The following MAGI1 variants were observed in gnomAD, a reference collection of about 807,000 sequenced individuals.
MAGI1 encodes the protein membrane-associated guanylate kinase, WW and PDZ domain-containing protein 1.
MAGI1 carries 58 observed loss-of-function variants against 139.9 expected under a neutral mutation model. The ratio of observed to expected loss-of-function variants is 0.41; its 90% CI spans 0.34 to 0.52. The LOEUF (loss-of-function observed/expected upper bound fraction) is 0.52, where lower values mean the gene tolerates loss of function less well. Among genes scored for constraint, MAGI1 ranks in the 20% least tolerant of loss-of-function variants. The pLI, the probability that MAGI1 is intolerant of heterozygous loss-of-function variation, is 0.12. For synonymous variants in MAGI1, 812 were observed against 737.9 expected (o/e 1.10, Z -1.63); for missense variants, 1,874 against 1,901.6 (o/e 0.99, Z 0.27).
chr3:65,865,860 G>A (rs1265296298), intron 1 of MAGI1, among the ~76,000 whole-genome samples: 3 of 152,006 alleles, frequency 2.0e-5, no homozygotes, highest in Non-Finnish European at 4.4e-5. Flanking sequence ...GGCTGGTCTC[G>A]AACTCCTGAC....
chr3:65,654,752 T>C (rs2085777355), intron 1 of MAGI1, among the ~76,000 whole-genome samples: 1 of 152,198 alleles, frequency 6.6e-6, no homozygotes, highest in Non-Finnish European at 1.5e-5. Flanking sequence ...GTATGGGTCT[T>C]GGTCAGGGCA....
chr3:65,614,236 G>A (rs1419070281), intron 2 of MAGI1, among the ~76,000 whole-genome samples: 1 of 152,198 alleles, frequency 6.6e-6, no homozygotes, highest in African/African-American at 2.4e-5. Flanking sequence ...GCCCTGAAAG[G>A]TGGCCTGAAG....
rs181968717 is a variant in MAGI1 at position 65,832,861 on chromosome 3, T to C, written c.313+205135A>G. Among the ~76,000 whole-genome samples the C allele has an allele frequency of 3.7e-4, 57 of 152,300 alleles. 1 individual carries two copies. The highest frequency in any genetic ancestry group is 1.1e-3 in the Admixed American group (17 of 15,296). On this transcript the variant is annotated intron_variant, in intron 1 of 22. Coordinates refer to ENST00000402939, the MANE Select transcript of MAGI1 (RefSeq NM_001033057.2). ...ATTTTGTTTTCAAGTCTGGTTATTA[T>C]TACTCAATGTGGGGGAGCTTGAATC... is the stretch of plus-strand genomic sequence containing the variant.
intron 2 of MAGI1, among the ~76,000 whole-genome samples, chr3:65,516,199 G>T (rs1023659917): frequency 6.6e-6 from 1 of 151,376 alleles, no homozygotes; most frequent in Non-Finnish European, 1.5e-5. Flanking sequence ...TCTTTTTTTT[G>T]AGATGGAGTT....
chr3:65,470,464 C>G lies in MAGI1; in HGVS notation c.778G>C (p.Glu260Gln). The stretch of plus-strand genomic sequence containing the variant: ...AATGCTGTTTCTTGGAGAGTGTGCT[C>G]CTCTTGTTCACCAGAATCGGCTGCT... ...SFTADSGEQE[E>Q]HTLQETALPP... The change falls in exon 5 of 23, where the codon GAG becomes CAG. Residue 260 changes from glutamate to glutamine, a missense_variant. Around this residue, in one of 5 missense-constraint regions of MAGI1, gnomAD observed 648 missense variants for 598.1 expected, o/e 1.08. Transcript: ENST00000402939. 6.2e-7 allele frequency: 1 copy of G among 1,612,874 alleles called. No individual in the cohort carries two copies. The highest frequency in any genetic ancestry group is 1.1e-5 in the South Asian group (1 of 90,990).
At chr3:65,543,085 G>C (rs904696892) in intron 2 of MAGI1, among the ~76,000 whole-genome samples, 3 of 151,488 alleles carry the variant, frequency 2.0e-5, no homozygotes, top group African/African-American at 4.8e-5. Context: ...CCATCAAAAA[G>C]TAGGCAAAGG....
intron 3 of MAGI1, among the ~76,000 whole-genome samples, chr3:65,480,534 C>G (rs1000753518): frequency 7.6e-6 from 1 of 131,218 alleles, no homozygotes; most frequent in African/African-American, 2.8e-5. Context: ...GATCCTATCT[C>G]AAAAAAAAAA....
chr3:65,978,160 G>A (rs1236120369), intron 1 of MAGI1, among the ~76,000 whole-genome samples: 3 of 152,146 alleles, frequency 2.0e-5, no homozygotes, highest in African/African-American at 7.2e-5. Context: ...AATTTACTAT[G>A]TGACAGGCTC....
chr3:65,952,454 C>T (rs867000108), intron 1 of MAGI1, among the ~76,000 whole-genome samples: 1 of 152,158 alleles, frequency 6.6e-6, no homozygotes, highest in Non-Finnish European at 1.5e-5. Flanking sequence ...ACCTTAACTA[C>T]GTACCAAAAC....
At chr3:65,792,602 C>G (rs886629371) in intron 1 of MAGI1, among the ~76,000 whole-genome samples, 1 of 151,748 alleles carries the variant, frequency 6.6e-6, no homozygotes, top group South Asian at 2.1e-4. Context: ...ATAAGGATTC[C>G]TTGAACATAA....
chr3:65,391,373 G>A lies in MAGI1; in HGVS notation c.2200-15C>T. The A allele has an allele frequency of 6.2e-7, 1 of 1,604,156 alleles. No individual in the cohort carries two copies. On this transcript the variant is annotated splice_polypyrimidine_tract_variant and intron_variant, in intron 13 of 22. Coordinates refer to ENST00000402939, the MANE Select transcript of MAGI1 (RefSeq NM_001033057.2). ...TCCAGTGGTTGCTGAAAGTAAGCAA[G>A]TGAGAGGGGCAAGAAGAAAAGATTA...
rs556432716 is a variant in MAGI1 at position 65,468,744 on chromosome 3, C to A, written c.959+1539G>T. ...TCATATGTTTAGAAAAATCATACTA[C>A]CTAATTTTCATTGTTTTTTCTAATT... On this transcript the variant is annotated intron_variant, in intron 5 of 22. Transcript: ENST00000402939. 3.2e-4 allele frequency among the ~76,000 whole-genome samples: 49 copies of A among 151,972 alleles called. No individual in the cohort carries two copies. In the South Asian group the frequency reaches 5.0e-3, roughly 15 times the overall value.
intron 1 of MAGI1, among the ~76,000 whole-genome samples, chr3:65,860,965 T>G (rs1246885366): frequency 1.3e-5 from 2 of 152,212 alleles, no homozygotes; most frequent in African/African-American, 4.8e-5. Flanking sequence ...TTTTACCCAT[T>G]ACTTCTAGGG....
chr3:65,606,764 C>T (rs1202797015), intron 2 of MAGI1, among the ~76,000 whole-genome samples: 2 of 152,092 alleles, frequency 1.3e-5, no homozygotes, highest in African/African-American at 2.4e-5. Context: ...GTGATCCACC[C>T]GCCTCAGCCT....
At chr3:65,541,337 G>T (rs2079210764) in intron 2 of MAGI1, among the ~76,000 whole-genome samples, 1 of 152,156 alleles carries the variant, frequency 6.6e-6, no homozygotes, top group African/African-American at 2.4e-5. Context: ...AATTCTAACA[G>T]AGGTACAAAG....
chr3:65,430,596 G>A (rs1209648397), intron 11 of MAGI1, 103 bp downstream of exon 11: 46 of 1,228,362 alleles, frequency 3.7e-5, no homozygotes, highest in African/African-American at 9.1e-5. Flanking sequence ...CAATCATGAC[G>A]TTGCTTGGTC....
intron 1 of MAGI1, among the ~76,000 whole-genome samples, chr3:65,919,515 T>C (rs2062067740): frequency 6.6e-6 from 1 of 151,906 alleles, no homozygotes; most frequent in Non-Finnish European, 1.5e-5. Flanking sequence ...TGAGCTACAG[T>C]TGTGCCACTG....
In MAGI1 at chr3:65,354,542, G is replaced by T. The variant is rs1341914827; in HGVS notation, c.*1836C>A. 2 of 152,636 alleles carry T rather than the reference G, an allele frequency of 1.3e-5. No individual in the cohort carries two copies. Among genetic ancestry groups the T allele is most frequent in the African/African-American group, 4.8e-5 (2 of 41,458 alleles). The allele number at this position is 152,636 out of a possible 1,614,324, so 9.5% of individuals were successfully genotyped here. Reference sequence around the variant, plus strand: ...ACACTGCAAGAAATAAATGAGTGAAGAACAGAGAATGCAAACAAGTGCTTA... The same window carrying T: ...ACACTGCAAGAAATAAATGAGTGAATAACAGAGAATGCAAACAAGTGCTTA... On this transcript the variant is annotated 3_prime_UTR_variant, in exon 23 of 23. Transcript: ENST00000402939.
chr3:65,690,132 G>C (rs1292865347), intron 1 of MAGI1, among the ~76,000 whole-genome samples: 1 of 152,184 alleles, frequency 6.6e-6, no homozygotes, highest in African/African-American at 2.4e-5. Context: ...ATTTAAATCA[G>C]GGACTTTGTT....
Sources: gnomAD v4.1 joint callset for allele counts (sites outside exome capture counted in the v4.1 genomes callset) on GRCh38, gnomAD v4.1.1 for gene constraint, gnomAD v4.1.1 regional missense constraint, MANE v1.5 for transcripts, NCBI Gene and HGNC (gene_info 2026-07-23, HGNC 2026-07-21) for gene names.